Variants in LHFPL6 observed in about 807,000 individuals in gnomAD.
LHFPL6 encodes the protein LHFPL tetraspan subfamily member 6 protein.
LHFPL6 carries 9 observed loss-of-function variants against 20.6 expected under a neutral mutation model. The ratio of observed to expected loss-of-function variants is 0.44; its 90% CI spans 0.26 to 0.76. The LOEUF (loss-of-function observed/expected upper bound fraction) is 0.76. Ranked by LOEUF, LHFPL6 falls within the 30% of genes least tolerant of loss-of-function variation. The pLI, the probability that LHFPL6 is intolerant of heterozygous loss-of-function variation, is 0.20. For missense variants in LHFPL6, 218 were observed against 253.5 expected (o/e 0.86, Z 0.95); for synonymous variants, 105 against 98.7 (o/e 1.06, Z -0.38).
At chr13:39,423,191 T>C (rs74044056) in intron 2 of LHFPL6, among the ~76,000 whole-genome samples, 119 of 152,278 alleles carry the variant, frequency 7.8e-4, no homozygotes, top group African/African-American at 2.7e-3. Context: ...ACAAATCTCT[T>C]GTAGTACTCA....
intron 2 of LHFPL6, among the ~76,000 whole-genome samples, chr13:39,594,904 G>A (rs972195013): frequency 1.3e-5 from 2 of 152,120 alleles, no homozygotes; most frequent in Non-Finnish European, 2.9e-5. Flanking sequence ...ACTCATAGGT[G>A]GGAATTGAAC....
In LHFPL6 at chr13:39,454,355, C is replaced by T. The variant is rs1872518551; in HGVS notation, c.386-75829G>A. On this transcript the variant is annotated intron_variant, in intron 2 of 3. Coordinates refer to ENST00000379589, the MANE Select transcript of LHFPL6 (RefSeq NM_005780.3). ...CTTAAGAGTTGTAATTGGGGCCGGG[C>T]GCGGTGGCTCACGCCTGTAATCCCA... 2.0e-5 allele frequency among the ~76,000 whole-genome samples: 2 copies of T among 101,250 alleles called. 1 individual carries two copies. Among genetic ancestry groups the T allele is most frequent in the Non-Finnish European group, 3.8e-5 (2 of 53,102 alleles). 66.4% of individuals were successfully genotyped at this position (101,250 alleles called of 152,430 possible). A position where few individuals can be genotyped will look rare whatever the true frequency, so the allele number is the denominator to read the frequency against.
At chr13:39,417,391 G>A (rs1343374212) in intron 2 of LHFPL6, among the ~76,000 whole-genome samples, 1 of 151,348 alleles carries the variant, frequency 6.6e-6, no homozygotes, top group East Asian at 2.0e-4. Context: ...GTGAGAAGCT[G>A]ACATTCCTCA....
intron 2 of LHFPL6, among the ~76,000 whole-genome samples, chr13:39,420,163 C>T (rs1017978048): frequency 6.6e-6 from 1 of 152,154 alleles, no homozygotes; most frequent in Admixed American, 6.5e-5. Flanking sequence ...AATTGAGGCA[C>T]ATCACACTCT....
intron 2 of LHFPL6, among the ~76,000 whole-genome samples, chr13:39,533,977 CTTG>C (rs951608840): frequency 6.4e-4 from 98 of 152,092 alleles, no homozygotes; most frequent in African/African-American, 2.3e-3. Context: ...CATATGTACT[CTTG>C]TTGTTGCCAT....
intron 2 of LHFPL6, among the ~76,000 whole-genome samples, chr13:39,574,823 G>A (rs986913262): frequency 1.3e-5 from 2 of 152,122 alleles, no homozygotes; most frequent in African/African-American, 2.4e-5. Context: ...TATAATCTTA[G>A]CACTTTGGGA....
At chr13:39,480,317 A>AT (rs1282214879) in intron 2 of LHFPL6, among the ~76,000 whole-genome samples, 2 of 152,210 alleles carry the variant, frequency 1.3e-5, no homozygotes, top group Non-Finnish European at 2.9e-5. Context: ...TTGAATTTGA[A>AT]TTTTATACTA....
chr13:39,566,432 A>G (rs1295650920), intron 2 of LHFPL6, among the ~76,000 whole-genome samples: 1 of 152,148 alleles, frequency 6.6e-6, no homozygotes, highest in African/African-American at 2.4e-5. Context: ...GGTTACTGAG[A>G]TTGACGAAGT....
At chr13:39,547,299 C>T (rs1038008176) in intron 2 of LHFPL6, among the ~76,000 whole-genome samples, 2 of 152,112 alleles carry the variant, frequency 1.3e-5, no homozygotes, top group Non-Finnish European at 2.9e-5. Context: ...CTCTGGTTGC[C>T]TGCTTCCTTA....
intron 2 of LHFPL6, among the ~76,000 whole-genome samples, chr13:39,447,250 T>C (rs1198973409): frequency 6.6e-6 from 1 of 152,210 alleles, no homozygotes; most frequent in African/African-American, 2.4e-5. Flanking sequence ...GCCCATTTAG[T>C]ACAGTGCAGA....
At position 39,600,862 on chromosome 13, in the gene LHFPL6, T is replaced by C. The variant is rs752531763; in HGVS notation, c.355A>G (p.Arg119Gly). The C allele has an allele frequency of 2.6e-5, 39 of 1,500,692 alleles. No homozygotes were observed. Among genetic ancestry groups the C allele is most frequent in the Non-Finnish European group, 3.5e-5 (39 of 1,121,504 alleles). 93.0% of individuals were successfully genotyped at this position (1,500,692 alleles called of 1,614,324 possible). Residue 119 changes from arginine to glycine, a missense_variant, in exon 2 of 4, where the codon AGA (arginine) becomes GGA (glycine). Arg to Gly is a moderately radical substitution (Grantham distance 125). Transcript: ENST00000379589. ...VSDLISRTVGRVAGGIQFLGG... is the reference protein window; with the variant it reads ...VSDLISRTVGGVAGGIQFLGG... ...AGAAACTGAATTCCTCCAGCCACTC[T>C]TCCCACTGTCCTGGAGATGAGGTCG...
chr13:39,601,380 G>T lies in LHFPL6; in HGVS notation c.-164C>A. Reference sequence around the variant, plus strand: ...TCAACTTTCCATCCTCTGCACTAAAGATGATGGTCCCTGGTAAAACAACAG... The same window carrying T: ...TCAACTTTCCATCCTCTGCACTAAATATGATGGTCCCTGGTAAAACAACAG... On this transcript the variant is annotated 5_prime_UTR_variant, in exon 2 of 4. Coordinates refer to ENST00000379589, the MANE Select transcript of LHFPL6 (RefSeq NM_005780.3). 1 of 578,952 alleles carries T rather than the reference G, an allele frequency of 1.7e-6. No homozygotes were observed. The highest frequency in any genetic ancestry group is 3.2e-5 in the Admixed American group (1 of 31,208). 35.9% of individuals were successfully genotyped at this position (578,952 alleles called of 1,614,324 possible). A position where few individuals can be genotyped will look rare whatever the true frequency, so the allele number is the denominator to read the frequency against.
intron 2 of LHFPL6, among the ~76,000 whole-genome samples, chr13:39,526,245 A>G (rs1379970919): frequency 2.6e-5 from 4 of 152,214 alleles, no homozygotes; most frequent in African/African-American, 7.2e-5. Context: ...TACTCAATAA[A>G]TTCTAGTTGA....
At chr13:39,580,532 C>T (rs1872250984) in intron 2 of LHFPL6, among the ~76,000 whole-genome samples, 1 of 152,088 alleles carries the variant, frequency 6.6e-6, no homozygotes, top group Admixed American at 6.6e-5. Flanking sequence ...GTAGTTCTTC[C>T]TTTACAGTTC....
intron 2 of LHFPL6, among the ~76,000 whole-genome samples, chr13:39,593,092 A>C (rs1237694521): frequency 6.6e-6 from 1 of 152,166 alleles, no homozygotes; most frequent in Non-Finnish European, 1.5e-5. Context: ...TACCACTCCT[A>C]ATCAACATAG....
intron 2 of LHFPL6, among the ~76,000 whole-genome samples, chr13:39,564,202 T>G (rs1251395196): frequency 6.6e-6 from 1 of 152,166 alleles, no homozygotes; most frequent in African/African-American, 2.4e-5. Flanking sequence ...TAAAGTCTGT[T>G]TAGTACACTC....
At chr13:39,481,576 A>G (rs1412983646) in intron 2 of LHFPL6, among the ~76,000 whole-genome samples, 1 of 152,214 alleles carries the variant, frequency 6.6e-6, no homozygotes, top group African/African-American at 2.4e-5. Context: ...TAACACAGGA[A>G]GGCCAGCACA....
At chr13:39,596,027 G>A (rs1412158575) in intron 2 of LHFPL6, among the ~76,000 whole-genome samples, 1 of 152,120 alleles carries the variant, frequency 6.6e-6, no homozygotes, top group African/African-American at 2.4e-5. Flanking sequence ...AACTTCAGAA[G>A]TTGTATTAAG....
intron 2 of LHFPL6, among the ~76,000 whole-genome samples, chr13:39,563,902 G>A (rs984684371): frequency 3.3e-5 from 5 of 151,998 alleles, no homozygotes; most frequent in African/African-American, 9.7e-5. Context: ...CTGAAAATGA[G>A]GCTAATAGAC....
Sources: allele counts gnomAD v4.1 joint callset (sites outside exome capture counted in the v4.1 genomes callset), GRCh38; gene constraint gnomAD v4.1.1; transcripts MANE v1.5; gene names NCBI Gene and HGNC (gene_info 2026-07-23, HGNC 2026-07-21).